Variants in APC observed in about 807,000 individuals in gnomAD.
APC encodes adenomatous polyposis coli protein.
In APC, 72 loss-of-function variants were observed where a neutral mutation model predicts 247.0. The observed-to-expected ratio is 0.29, with a 90% CI of 0.24 to 0.35. APC has a LOEUF of 0.35. Ranked by LOEUF, APC falls within the 10% of genes least tolerant of loss-of-function variation. The pLI is 1.00. For synonymous variants in APC, 1,254 were observed against 1,162.5 expected (o/e 1.08, Z -1.60); for missense variants, 3,400 against 3,360.7 (o/e 1.01, Z -0.29).
intron 1 of APC, among the ~76,000 whole-genome samples, chr5:112,724,837 A>G (rs1054841801): frequency 6.6e-6 from 1 of 152,054 alleles, no homozygotes; most frequent in African/African-American, 2.4e-5. Flanking sequence ...AGGATGGAGG[A>G]GTGTGAAGAG....
chr5:112,818,855 G>GGGTGTTT, intron 9 of APC, 111 bp from the exon 10 acceptor site: 1 of 1,118,294 alleles, frequency 8.9e-7, no homozygotes, highest in Non-Finnish European at 1.3e-6. Context: ...GGCGGGGGGG[G>GGGTGTTT]TTGTTTTGTT....
chr5:112,717,908 C>CTTTTTTTTTTTTTTTTTTTTTTT, intron 1 of APC, among the ~76,000 whole-genome samples: 506 of 40,690 alleles, frequency 0.012, 148 homozygotes, highest in Middle Eastern at 0.074. Context: ...TTTTCTTTTT[C>CTTTTTTTTTTTTTTTTTTTTTTT]TTTTTTTTTT....
At position 112,814,843 on chromosome 5, in the gene APC, G is replaced by A. The variant is rs77062943; in HGVS notation, c.835-652G>A. ...TACATTGGAACACTCCACGCTCTCC[G>A]TATTTGTACCTTTGCACAGTCTCCT... On this transcript the variant is annotated intron_variant, in intron 8 of 15. Transcript: ENST00000257430. 1.1e-3 allele frequency among the ~76,000 whole-genome samples: 164 copies of A among 152,212 alleles called. 2 individuals are homozygous for A. In the East Asian group the frequency reaches 0.025, roughly 23 times the overall value.
At position 112,842,909 on chromosome 5, in the gene APC, C is replaced by T. The variant is rs1311878041; in HGVS notation, c.7315C>T (p.Arg2439Cys). ...SDRSERPVLV[R>C]QSTFIKEAPS... Reference sequence around the variant, plus strand: ...TAGATCAGAAAGACCTGTATTAGTACGCCAGTCAACTTTCATCAAAGAAGC... The same window carrying T: ...TAGATCAGAAAGACCTGTATTAGTATGCCAGTCAACTTTCATCAAAGAAGC... Residue 2439 changes from arginine (R) to cysteine (C), a missense_variant, in exon 16 of 16, where the codon CGC (arginine) becomes TGC (cysteine). Arg to Cys is a radical substitution (Grantham distance 180, BLOSUM62 -3). Around this residue, in one of 9 missense-constraint regions of APC, gnomAD observed 1,788 missense variants for 1,649.5 expected, o/e 1.08. Coordinates refer to ENST00000257430, the MANE Select transcript of APC (RefSeq NM_000038.6). The T allele has an allele frequency of 5.0e-6, 8 of 1,613,878 alleles. No homozygotes were observed. The highest frequency in any genetic ancestry group is 3.4e-6 in the Non-Finnish European group (4 of 1,179,944).
chr5:112,749,543 G>T (rs1471507043), intron 1 of APC, among the ~76,000 whole-genome samples: 4 of 139,076 alleles, frequency 2.9e-5, no homozygotes, highest in Non-Finnish European at 1.5e-5. Flanking sequence ...GGAGTGCAGT[G>T]GCATGATCTT....
In APC at chr5:112,835,160, C is replaced by T. The variant is rs765308810; in HGVS notation, c.1953C>T (p.Asp651=). The T allele has an allele frequency of 6.2e-7, 1 of 1,612,328 alleles. No homozygotes were observed. Among genetic ancestry groups the T allele is most frequent in the Non-Finnish European group, 8.5e-7 (1 of 1,178,654 alleles). The change falls in exon 15 of 16, where the codon GAC becomes GAT. Residue 651 remains aspartate (D), a synonymous_variant. Coordinates refer to ENST00000257430, the MANE Select transcript of APC (RefSeq NM_000038.6). ...CCAGCTTGATAGCTACAAATGAGGA[C>T]CACAGGTATATATAGAGTTTTATAT... The part of the protein sequence containing the change: ...NVSSLIATNE[D]HRQILRENNC...
At chr5:112,708,792 C>T (rs900396831) in intron 1 of APC, among the ~76,000 whole-genome samples, 2 of 152,200 alleles carry the variant, frequency 1.3e-5, no homozygotes, top group Admixed American at 1.3e-4. Flanking sequence ...TACTGTTCAA[C>T]CCTCCTTAGG....
chr5:112,749,505 T>TATGG (rs1228264218), intron 1 of APC, among the ~76,000 whole-genome samples: 1 of 121,470 alleles, frequency 8.2e-6, no homozygotes, highest in Non-Finnish European at 1.8e-5. Context: ...TTTTTTTTGA[T>TATGG]ATGGAGTCTT....
chr5:112,725,597 A>G (rs532354759), intron 1 of APC, among the ~76,000 whole-genome samples: 3 of 150,056 alleles, frequency 2.0e-5, no homozygotes, highest in East Asian at 3.9e-4. Flanking sequence ...CTACAAAAAC[A>G]TACAAAAAAA....
chr5:112,749,479 A>ATTTCTTTTTTTT (rs1554066140), intron 1 of APC, among the ~76,000 whole-genome samples: 1 of 104,066 alleles, frequency 9.6e-6, no homozygotes, highest in African/African-American at 3.6e-5. Context: ...TACTGCTCCA[A>ATTTCTTTTTTTT]TTTTTTTTTT....
chr5:112,823,808 A>G (rs1024456379), intron 11 of APC, among the ~76,000 whole-genome samples: 3 of 152,190 alleles, frequency 2.0e-5, no homozygotes, highest in Non-Finnish European at 2.9e-5. Context: ...AGTGTTTCAC[A>G]AAATACCTAA....
Position 112,827,137 on chromosome 5 carries a change from C to G in APC, c.1438C>G (p.Gln480Glu), listed in dbSNP as rs570514864. The G allele has an allele frequency of 1.2e-6, 2 of 1,613,578 alleles. No individual in the cohort carries two copies. The highest frequency in any genetic ancestry group is 2.2e-5 in the East Asian group (1 of 44,814). The part of the protein sequence containing the change: ...GGLQAIAELL[Q>E]VDCEMYGLTN... ...ACTACAGGCCATTGCAGAATTATTG[C>G]AAGTGGACTGTGAAATGTATGGGCT... The change falls in exon 12 of 16, where the codon CAA (glutamine) becomes GAA (glutamate). Residue 480 changes from glutamine (Q) to glutamate (E), a missense_variant. This residue lies in a region of APC where 199 missense variants were observed against 212.5 expected (regional missense o/e 0.94). Coordinates refer to ENST00000257430, the MANE Select transcript of APC (RefSeq NM_000038.6).
At chr5:112,708,588 A>G (rs1436900007) in intron 1 of APC, among the ~76,000 whole-genome samples, 1 of 152,232 alleles carries the variant, frequency 6.6e-6, no homozygotes, top group Non-Finnish European at 1.5e-5. Context: ...TATGCAGTAC[A>G]TGTAAGACAT....
chr5:112,832,113 G>A lies in APC; in HGVS notation c.1744-2838G>A, dbSNP rs1189625380. ...TCACTCACTTTTGCTGTTACTACTT[G>A]TATTAATAACCTCTAATTATTTATT... On this transcript the variant is annotated intron_variant, in intron 14 of 15. Transcript: ENST00000257430. 5.3e-5 allele frequency among the ~76,000 whole-genome samples: 8 copies of A among 152,032 alleles called. No individual in the cohort carries two copies. In the East Asian group the frequency reaches 5.8e-4, roughly 11 times the overall value.
chr5:112,709,228 G>T (rs1198807929), intron 1 of APC, among the ~76,000 whole-genome samples: 1 of 152,182 alleles, frequency 6.6e-6, no homozygotes, highest in Non-Finnish European at 1.5e-5. Context: ...TTTTTAACGT[G>T]TGGGTTATAA....
chr5:112,844,024 T>C lies in APC; in HGVS notation c.8430T>C (p.Asn2810=), dbSNP rs1057522374. The C allele has an allele frequency of 6.2e-7, 1 of 1,602,874 alleles. No homozygotes were observed. Among genetic ancestry groups the C allele is most frequent in the East Asian group, 2.2e-5 (1 of 44,828 alleles). ...CATCTCAGATCCCAACTCCAGTGAA[T>C]AACAACACAAAGAAGCGAGATTCCA... ...ARPSQIPTPV[N]NNTKKRDSKT... The change falls in exon 16 of 16, where the codon AAT becomes AAC. Residue 2810 remains asparagine, a synonymous_variant. Transcript: ENST00000257430.
intron 4 of APC, among the ~76,000 whole-genome samples, chr5:112,773,956 A>C (rs965459393): frequency 6.6e-6 from 1 of 152,222 alleles, no homozygotes; most frequent in Non-Finnish European, 1.5e-5. Flanking sequence ...TGAATTAAAC[A>C]CTTAAATTGG....
intron 7 of APC, among the ~76,000 whole-genome samples, chr5:112,793,002 A>G (rs1208398642): frequency 1.3e-5 from 2 of 152,142 alleles, no homozygotes; most frequent in African/African-American, 2.4e-5. Flanking sequence ...ACATTCTAGC[A>G]TATCAGAGAG....
At chr5:112,708,399 C>G (rs756535670) in intron 1 of APC, among the ~76,000 whole-genome samples, 3 of 152,192 alleles carry the variant, frequency 2.0e-5, no homozygotes, top group Non-Finnish European at 2.9e-5. Flanking sequence ...AGTCTGACTC[C>G]TTGACCCACC....
Sources: allele counts gnomAD v4.1 joint callset (sites outside exome capture counted in the v4.1 genomes callset), GRCh38; gene constraint gnomAD v4.1.1; regional missense constraint gnomAD v4.1.1; transcripts MANE v1.5; gene names NCBI Gene and HGNC (gene_info 2026-07-23, HGNC 2026-07-21).